CFAP47: variants seen among roughly 807,000 people sequenced by gnomAD.
CFAP47 encodes cilia- and flagella-associated protein 47.
CFAP47 carries 29 observed loss-of-function variants against 148.1 expected under a neutral mutation model. The observed-to-expected ratio is 0.20, with a 90% confidence interval of 0.15 to 0.27. The LOEUF (loss-of-function observed/expected upper bound fraction) is 0.27, where lower values mean the gene tolerates loss of function less well. CFAP47 is among the 10% of genes least tolerant of loss of function. The pLI is 1.00. For synonymous variants in CFAP47, 664 were observed against 577.3 expected, an observed-to-expected ratio of 1.15 and a Z score of -2.15; for missense variants, 1,872 against 1,697.5, an observed-to-expected ratio of 1.10 and a Z score of -1.81.
intron 49 of CFAP47, among the ~76,000 whole-genome samples, chrX:36,261,320 C>CTTTTTTTTTTTTTTTTT (rs143068749): frequency 4.9e-5 from 1 of 20,469 alleles, no homozygotes. Flanking sequence ...AGATACTATT[C>CTTTTTTTTTTTTTTTTT]TTTTTTTTTT....
chrX:36,363,714 A>T lies in CFAP47; in HGVS notation c.9023+2213A>T, dbSNP rs140385761. Among the ~76,000 whole-genome samples, 3 of 112,140 alleles carry T rather than the reference A, an allele frequency of 2.7e-5. No individual in the cohort carries two copies. In the East Asian group the frequency reaches 8.4e-4, roughly 31 times the overall value. On this transcript the variant is annotated intron_variant, in intron 61 of 63. Transcript: ENST00000378653. ...TGTTTTGATAAAAAGAAAATATATC[A>T]TGTTTCACAACAGTGAATACTAGGT... is the stretch of plus-strand genomic sequence containing the variant.
chrX:36,359,113 A>G (rs1207328706), intron 60 of CFAP47, among the ~76,000 whole-genome samples: 3 of 112,536 alleles, frequency 2.7e-5, no homozygotes, highest in African/African-American at 9.7e-5. Context: ...GAATAAAGAA[A>G]TGAAAATATA....
chrX:36,076,437 G>C (rs1245403678), intron 29 of CFAP47, among the ~76,000 whole-genome samples: 1 of 104,832 alleles, frequency 9.5e-6, no homozygotes, highest in Admixed American at 1.1e-4. Flanking sequence ...ATTCTGACTG[G>C]TGTGAGATGG....
chrX:36,102,281 C>T (rs1465177239), intron 32 of CFAP47, among the ~76,000 whole-genome samples: 2 of 111,646 alleles, frequency 1.8e-5, no homozygotes. Flanking sequence ...TTACTCCATT[C>T]CTTCAACTCA....
At chrX:35,956,292 G>A in intron 8 of CFAP47, 96 bp downstream of exon 8, 1 of 656,869 alleles carries the variant, frequency 1.5e-6, no homozygotes, top group Non-Finnish European at 2.3e-6. Context: ...TGTTCTACCA[G>A]TGTTTATAAA....
At chrX:36,350,950 C>T (rs1393715057) in intron 59 of CFAP47, among the ~76,000 whole-genome samples, 2 of 111,487 alleles carry the variant, frequency 1.8e-5, no homozygotes, top group African/African-American at 6.5e-5. Context: ...TTTGAATCTC[C>T]CCCTTTAGCA....
chrX:35,949,460 G>T (rs1290583722), intron 4 of CFAP47, among the ~76,000 whole-genome samples: 1 of 111,631 alleles, frequency 9.0e-6, no homozygotes, highest in African/African-American at 3.3e-5. Context: ...GGTCAACTGA[G>T]AAGACTGATA....
intron 52 of CFAP47, among the ~76,000 whole-genome samples, chrX:36,300,524 C>T (rs1206442058): frequency 1.8e-5 from 2 of 111,047 alleles, no homozygotes; most frequent in African/African-American, 6.6e-5. Context: ...CTCCTGACCT[C>T]GTGATCCGCC....
At chrX:36,128,218 A>G (rs1394792944) in intron 33 of CFAP47, among the ~76,000 whole-genome samples, 1 of 111,123 alleles carries the variant, frequency 9.0e-6, no homozygotes, top group African/African-American at 3.3e-5. Flanking sequence ...CTTTGTAACT[A>G]TCTTAGTGTG....
intron 48 of CFAP47, among the ~76,000 whole-genome samples, chrX:36,250,443 C>G (rs1338607900): frequency 9.1e-6 from 1 of 110,122 alleles, no homozygotes; most frequent in Non-Finnish European, 1.9e-5. Context: ...TGAAAGGACA[C>G]AAAATTTCAG....
intron 33 of CFAP47, among the ~76,000 whole-genome samples, chrX:36,132,056 T>C (rs960127896): frequency 1.8e-5 from 2 of 111,479 alleles, no homozygotes; most frequent in Non-Finnish European, 3.8e-5. Context: ...GTTATAGTCA[T>C]CTAACATAAA....
intron 49 of CFAP47, among the ~76,000 whole-genome samples, chrX:36,275,416 G>A (rs1249169089): frequency 2.0e-5 from 1 of 49,505 alleles, no homozygotes; most frequent in Non-Finnish European, 3.2e-5. Flanking sequence ...TGAGATCGTC[G>A]TGTGTGTGTG....
intron 46 of CFAP47, among the ~76,000 whole-genome samples, chrX:36,231,138 A>G (rs1316159303): frequency 3.7e-5 from 4 of 107,523 alleles, no homozygotes; most frequent in East Asian, 2.9e-4. Flanking sequence ...TTTTTTTCCA[A>G]TTCTGTGAAG....
chrX:36,214,974 A>G (rs1940143711), intron 45 of CFAP47, among the ~76,000 whole-genome samples: 1 of 111,998 alleles, frequency 8.9e-6, no homozygotes, highest in Non-Finnish European at 1.9e-5. Flanking sequence ...TGGCAAATAA[A>G]TTCTGGTAAT....
chrX:35,974,959 C>T (rs1324045574), intron 13 of CFAP47, among the ~76,000 whole-genome samples, 188 bp from the exon 14 acceptor site: 7 of 110,681 alleles, frequency 6.3e-5, no homozygotes, highest in Non-Finnish European at 1.3e-4. Flanking sequence ...CAATAATGTC[C>T]AAACATTTAA....
At chrX:36,024,167 A>G (rs1374577089) in intron 22 of CFAP47, among the ~76,000 whole-genome samples, 1 of 111,560 alleles carries the variant, frequency 9.0e-6, no homozygotes, top group Non-Finnish European at 1.9e-5. Flanking sequence ...GAATACTGCC[A>G]GGACTGAGTT....
intron 25 of CFAP47, among the ~76,000 whole-genome samples, chrX:36,046,319 A>G (rs1937465458): frequency 9.0e-6 from 1 of 110,787 alleles, no homozygotes; most frequent in African/African-American, 3.2e-5. Context: ...TGGAATGGCT[A>G]TAAAAAGTAT....
intron 25 of CFAP47, among the ~76,000 whole-genome samples, chrX:36,044,166 A>G (rs1370389391): frequency 8.8e-6 from 1 of 113,397 alleles, no homozygotes; most frequent in Non-Finnish European, 1.9e-5. Context: ...GCACAGCCCA[A>G]AAAGCCATTT....
At chrX:36,212,203 A>G (rs1449895031) in intron 45 of CFAP47, among the ~76,000 whole-genome samples, 1 of 112,405 alleles carries the variant, frequency 8.9e-6, no homozygotes, top group East Asian at 2.8e-4. Context: ...AAAAAAATCA[A>G]TTGACCATAG....
Sources: allele counts gnomAD v4.1 joint callset (sites outside exome capture counted in the v4.1 genomes callset), GRCh38; gene constraint gnomAD v4.1.1; transcripts MANE v1.5; gene names NCBI Gene and HGNC (gene_info 2026-07-23, HGNC 2026-07-21).